The following GTF3C1 variants were observed in gnomAD, a reference collection of about 807,000 sequenced individuals.
GTF3C1 encodes the protein general transcription factor 3C polypeptide 1.
A neutral mutation model predicts 226.7 loss-of-function variants in GTF3C1; 57 were observed. That is an observed-to-expected ratio of 0.25 (90% confidence interval 0.20 to 0.31). The LOEUF is 0.31. Among genes scored for constraint, GTF3C1 ranks in the 10% least tolerant of loss-of-function variants. The pLI is 1.00. For synonymous variants in GTF3C1, 1,090 were observed against 1,084.8 expected, an observed-to-expected ratio of 1.00 and a Z score of -0.09; for missense variants, 2,217 against 2,776.1, an observed-to-expected ratio of 0.80 and a Z score of 4.53.
In GTF3C1 at chr16:27,532,560, G is replaced by A. The variant is rs554798078; in HGVS notation, c.849+731C>T. Among the ~76,000 whole-genome samples, 26 of 152,080 alleles carry A rather than the reference G, an allele frequency of 1.7e-4. 1 individual carries two copies. The South Asian group carries it at 5.2e-3, about 30-fold the overall frequency. Reference sequence around the variant, plus strand: ...TCCCCTCCGCCTTTCTCCCTCTCGCGCTCCCTTCGCCACAGCCTCTGCTCT... The same window carrying A: ...TCCCCTCCGCCTTTCTCCCTCTCGCACTCCCTTCGCCACAGCCTCTGCTCT... On this transcript the variant is annotated intron_variant, in intron 5 of 36. Transcript: ENST00000356183.
chr16:27,480,739 A>G, intron 27 of GTF3C1: 1 of 262,566 alleles, frequency 3.8e-6, no homozygotes, highest in Non-Finnish European at 7.3e-6. Context: ...TCCTATGTTC[A>G]AATCCTGGCC....
In GTF3C1 at chr16:27,476,514, C is replaced by A; in HGVS notation, c.4290G>T (p.Gln1430His). Residue 1430 changes from glutamine to histidine, a missense_variant, in exon 29 of 37, where the codon CAG becomes CAT. Transcript: ENST00000356183. Reference sequence around the variant, plus strand: ...GGGCCAGCGTGCTCTGGATCAGGTTCTGAAGCACCAGAAAGTGGATGTCAT... The same window carrying A: ...GGGCCAGCGTGCTCTGGATCAGGTTATGAAGCACCAGAAAGTGGATGTCAT... ...SVDDIHFLVL[Q>H]NLIQSTLALS... is the part of the protein sequence containing the mutation. 8 of 1,612,880 alleles carry A rather than the reference C, an allele frequency of 5.0e-6. No homozygotes were observed. Among genetic ancestry groups the A allele is most frequent in the Non-Finnish European group, 6.8e-6 (8 of 1,178,948 alleles).
At chr16:27,525,362 T>C (rs1292726404) in intron 6 of GTF3C1, among the ~76,000 whole-genome samples, 1 of 152,188 alleles carries the variant, frequency 6.6e-6, no homozygotes, top group Non-Finnish European at 1.5e-5. Context: ...GGAGTTCCAG[T>C]CATTCAACCA....
intron 5 of GTF3C1, among the ~76,000 whole-genome samples, chr16:27,529,093 A>G (rs995874771): frequency 6.6e-6 from 1 of 152,114 alleles, no homozygotes; most frequent in African/African-American, 2.4e-5. Context: ...ACACACACAG[A>G]TACACACCCC....
intron 8 of GTF3C1, 152 bp downstream of exon 8, chr16:27,508,388 T>G (rs878970972): frequency 3.5e-6 from 2 of 573,334 alleles, no homozygotes; most frequent in East Asian, 5.8e-5. Flanking sequence ...AGACATAACA[T>G]GGCTATGGAC....
At chr16:27,511,957 G>T in intron 6 of GTF3C1, 56 bp from the exon 7 acceptor site, 2 of 1,589,652 alleles carry the variant, frequency 1.3e-6, no homozygotes, top group South Asian at 1.1e-5. Context: ...CTGCGTGGGG[G>T]AGGTGAGGGG....
intron 12 of GTF3C1, among the ~76,000 whole-genome samples, chr16:27,499,275 C>G (rs1047367825): frequency 6.6e-6 from 1 of 152,214 alleles, no homozygotes; most frequent in African/African-American, 2.4e-5. Flanking sequence ...TACTGAAGCT[C>G]AACAGTTAAG....
At chr16:27,544,893 C>CA (rs1215405279) in intron 2 of GTF3C1, among the ~76,000 whole-genome samples, 1 of 152,100 alleles carries the variant, frequency 6.6e-6, no homozygotes, top group Non-Finnish European at 1.5e-5. Context: ...TGAACTCTGA[C>CA]AGACTCCAAG....
rs192416176 is a variant in GTF3C1 at position 27,532,266 on chromosome 16, T to C, written c.849+1025A>G. Among the ~76,000 whole-genome samples the C allele has an allele frequency of 2.0e-5, 3 of 152,268 alleles. No individual in the cohort carries two copies. In the East Asian group the frequency reaches 5.8e-4, roughly 29 times the overall value. The stretch of plus-strand genomic sequence containing the variant: ...CTTAGGCAGGCAGTGAATCTAGCAA[T>C]GTGGAAGACACCTCCTCCCCCTGTG... On this transcript the variant is annotated intron_variant, in intron 5 of 36. Coordinates refer to ENST00000356183, the MANE Select transcript of GTF3C1 (RefSeq NM_001520.4).
At chr16:27,537,736 C>G (rs1221281008) in intron 4 of GTF3C1, 48 bp downstream of exon 4, 3 of 1,425,144 alleles carry the variant, frequency 2.1e-6, no homozygotes, top group Non-Finnish European at 2.9e-6. Flanking sequence ...GCATACTACA[C>G]ATGGCTGCAA....
At position 27,494,751 on chromosome 16, in the gene GTF3C1, T is replaced by G. The variant is rs751411373; in HGVS notation, c.2778+12A>C. ...GGGCAATTCCTGTGATAATGGCTCCTGTCACCAATACCTTGTAGCTGACTT... is the reference window on the plus strand; with the variant it reads ...GGGCAATTCCTGTGATAATGGCTCCGGTCACCAATACCTTGTAGCTGACTT... On this transcript the variant is annotated intron_variant, in intron 16 of 36. Transcript: ENST00000356183. 5.6e-6 allele frequency: 9 copies of G among 1,604,374 alleles called. No homozygotes were observed. In the East Asian group the frequency reaches 2.0e-4, roughly 36 times the overall value.
At chr16:27,482,115 A>G (rs1267443698) in intron 26 of GTF3C1, among the ~76,000 whole-genome samples, 1 of 152,116 alleles carries the variant, frequency 6.6e-6, no homozygotes, top group Admixed American at 6.5e-5. Flanking sequence ...TACAAGGGCC[A>G]TGTGGGTCTA....
intron 6 of GTF3C1, among the ~76,000 whole-genome samples, chr16:27,520,218 G>A (rs1342780748): frequency 7.9e-5 from 12 of 152,122 alleles, no homozygotes; most frequent in Admixed American, 5.9e-4. Context: ...GGGTTCAAGC[G>A]ATTCTTCTGC....
intron 34 of GTF3C1, 55 bp downstream of exon 34, chr16:27,464,265 G>A: frequency 8.3e-7 from 1 of 1,210,000 alleles, no homozygotes; most frequent in Non-Finnish European, 1.1e-6. Flanking sequence ...TCAGGGCGGA[G>A]GGGAGGGAAA....
intron 24 of GTF3C1, 63 bp downstream of exon 24, chr16:27,485,934 G>A (rs1346981059): frequency 2.6e-6 from 3 of 1,152,816 alleles, no homozygotes; most frequent in Non-Finnish European, 3.8e-6. Context: ...TCCCCGGAAG[G>A]CTCAGACAGG....
At chr16:27,481,003 CTGA>C in intron 27 of GTF3C1, 73 bp downstream of exon 27, 4 of 1,229,488 alleles carry the variant, frequency 3.3e-6, no homozygotes, top group Non-Finnish European at 4.8e-6. Flanking sequence ...CCCGGACCTG[CTGA>C]TAAGGGAGAC....
At chr16:27,504,311 AGAGG>A (rs2088451490) in intron 10 of GTF3C1, among the ~76,000 whole-genome samples, 1 of 152,344 alleles carries the variant, frequency 6.6e-6, no homozygotes, top group Admixed American at 6.5e-5. Flanking sequence ...AGGGGATGGC[AGAGG>A]GAGGAAGGCA....
chr16:27,513,747 C>T (rs1203241458), intron 6 of GTF3C1, among the ~76,000 whole-genome samples: 1 of 152,172 alleles, frequency 6.6e-6, no homozygotes, highest in Non-Finnish European at 1.5e-5. Flanking sequence ...TAATTTGTTA[C>T]AGTAGTCATA....
Position 27,470,372 on chromosome 16 carries a change from C to T in GTF3C1, c.4550G>A (p.Ser1517Asn). Reference protein sequence around the residue: ...YYRIFTWRFPSTICTESFQFL... With the variant: ...YYRIFTWRFPNTICTESFQFL... ...CTGGAATGACTCCGTGCAGATGGTGCTTGGAAATCGCCACGTAAAAATCCT... is the reference window on the plus strand; with the variant it reads ...CTGGAATGACTCCGTGCAGATGGTGTTTGGAAATCGCCACGTAAAAATCCT... The change falls in exon 31 of 37, where the codon AGC (serine) becomes AAC (asparagine). Residue 1517 changes from serine to asparagine, a missense_variant. Around this residue, in one of 12 missense-constraint regions of GTF3C1, gnomAD observed 546 missense variants for 663.0 expected, o/e 0.82. Coordinates refer to ENST00000356183, the MANE Select transcript of GTF3C1 (RefSeq NM_001520.4). This position sits in a 1 kb window ranked among gnomAD's most constrained non-coding sequence, Gnocchi z 4.9. 3 of 1,613,492 alleles carry T rather than the reference C, an allele frequency of 1.9e-6. No individual in the cohort carries two copies. The highest frequency in any genetic ancestry group is 2.5e-6 in the Non-Finnish European group (3 of 1,179,662).
Sources: gnomAD v4.1 joint callset for allele counts (sites outside exome capture counted in the v4.1 genomes callset) on GRCh38, gnomAD v4.1.1 for gene constraint, gnomAD v4.1.1 regional missense constraint, Gnocchi (gnomAD v3.1) non-coding constraint, MANE v1.5 for transcripts, NCBI Gene and HGNC (gene_info 2026-07-23, HGNC 2026-07-21) for gene names.